The following ARHGAP40 variants were observed in gnomAD, a reference collection of about 807,000 sequenced individuals.
ARHGAP40 encodes rho GTPase-activating protein 40.
In ARHGAP40, 43 loss-of-function variants were observed where a neutral mutation model predicts 73.5. The observed-to-expected ratio is 0.58, with a 90% CI of 0.46 to 0.75. The LOEUF (loss-of-function observed/expected upper bound fraction) is 0.75. Ranked by LOEUF, ARHGAP40 falls within the 30% of genes least tolerant of loss-of-function variation. The pLI is 0.00. For missense variants in ARHGAP40, 734 were observed against 861.8 expected, an observed-to-expected ratio of 0.85 and a Z score of 1.86; for synonymous variants, 300 against 352.8, an observed-to-expected ratio of 0.85 and a Z score of 1.68.
intron 1 of ARHGAP40, among the ~76,000 whole-genome samples, chr20:38,617,414 G>T (rs887727587): frequency 1.3e-5 from 2 of 152,156 alleles, no homozygotes; most frequent in African/African-American, 4.8e-5. Context: ...GTCTCGCTAA[G>T]ATCACCTTGC....
chr20:38,622,062 A>AAAAC (rs953008534), intron 1 of ARHGAP40, among the ~76,000 whole-genome samples: 10 of 152,280 alleles, frequency 6.6e-5, no homozygotes, highest in Non-Finnish European at 7.4e-5. Context: ...TCAAAAAACA[A>AAAAC]AAACAAACAA....
intron 1 of ARHGAP40, among the ~76,000 whole-genome samples, chr20:38,615,854 C>G (rs774467568): frequency 1.3e-5 from 2 of 152,290 alleles, no homozygotes; most frequent in Non-Finnish European, 2.9e-5. Context: ...TTTCCCTAAG[C>G]GACGATTGTG....
chr20:38,621,663 A>G (rs2088874394), intron 1 of ARHGAP40, among the ~76,000 whole-genome samples: 1 of 152,238 alleles, frequency 6.6e-6, no homozygotes, highest in Non-Finnish European at 1.5e-5. Context: ...TCGTAGCCAC[A>G]GGAGAATGAT....
intron 1 of ARHGAP40, among the ~76,000 whole-genome samples, chr20:38,617,015 G>A (rs1267060261): frequency 3.9e-5 from 6 of 152,056 alleles, no homozygotes; most frequent in African/African-American, 1.4e-4. Flanking sequence ...GCACAGTCTC[G>A]GCTCACTGCA....
At chr20:38,644,262 A>G (rs2089038305) in intron 11 of ARHGAP40, among the ~76,000 whole-genome samples, 2 of 152,090 alleles carry the variant, frequency 1.3e-5, no homozygotes, top group African/African-American at 4.8e-5. Flanking sequence ...TGCCTAAGAC[A>G]GAGCCCAGAA....
intron 1 of ARHGAP40, 136 bp from the exon 2 acceptor site, chr20:38,623,223 C>T: frequency 1.7e-6 from 1 of 582,878 alleles, no homozygotes; most frequent in Admixed American, 3.7e-5. Flanking sequence ...CTGAGATCAC[C>T]CTGAGAAACA....
chr20:38,646,289 C>A lies in ARHGAP40; in HGVS notation c.1710+102C>A. On this transcript the variant is annotated intron_variant, in intron 12 of 14. Transcript: ENST00000373345. This position sits in a 1 kb window ranked among gnomAD's most constrained non-coding sequence, Gnocchi z 4.5. The stretch of plus-strand genomic sequence containing the variant: ...CCTCCAGGTCCCCGCTACCGGGCTG[C>A]CAGCAACGGCCCAGTGAGGCCACCA... 8.6e-7 allele frequency: 1 copy of A among 1,166,474 alleles called. No homozygotes were observed. Among genetic ancestry groups the A allele is most frequent in the South Asian group, 1.6e-5 (1 of 63,538 alleles). The allele number at this position is 1,166,474 out of a possible 1,614,324, so 72.3% of individuals were successfully genotyped here. A position where few individuals can be genotyped will look rare whatever the true frequency, so the allele number is the denominator to read the frequency against.
intron 9 of ARHGAP40, 73 bp downstream of exon 9, chr20:38,639,459 C>A (rs1028464108): frequency 7.9e-7 from 1 of 1,264,142 alleles, no homozygotes; most frequent in Non-Finnish European, 1.0e-6. Flanking sequence ...AGAGGGGAAG[C>A]CATGCAAAGG....
At chr20:38,618,494 C>T (rs1187108023) in intron 1 of ARHGAP40, among the ~76,000 whole-genome samples, 1 of 152,102 alleles carries the variant, frequency 6.6e-6, no homozygotes. Flanking sequence ...CTTAGCGATT[C>T]GATGGGTAAG....
chr20:38,632,210 C>T (rs1053002132), intron 5 of ARHGAP40, among the ~76,000 whole-genome samples: 3 of 151,752 alleles, frequency 2.0e-5, no homozygotes, highest in Non-Finnish European at 2.9e-5. Context: ...GTGATCTGCC[C>T]GCCTCAGCCT....
At chr20:38,635,509 A>T (rs1320198938) in intron 6 of ARHGAP40, among the ~76,000 whole-genome samples, 1 of 152,026 alleles carries the variant, frequency 6.6e-6, no homozygotes, top group Non-Finnish European at 1.5e-5. Flanking sequence ...ACAAAAAATA[A>T]AAAAGTAGCC....
intron 1 of ARHGAP40, among the ~76,000 whole-genome samples, chr20:38,621,840 G>A (rs2088875284): frequency 6.6e-6 from 1 of 152,116 alleles, no homozygotes; most frequent in Non-Finnish European, 1.5e-5. Flanking sequence ...GATTGCTTGA[G>A]CCCAGGAGTT....
chr20:38,643,063 C>T (rs964919330), intron 10 of ARHGAP40, among the ~76,000 whole-genome samples: 1 of 151,736 alleles, frequency 6.6e-6, no homozygotes, highest in African/African-American at 2.4e-5. Flanking sequence ...GTCACTTGAA[C>T]CTGGGAGGCA....
At chr20:38,610,585 G>A (rs1289909935) in intron 1 of ARHGAP40, among the ~76,000 whole-genome samples, 5 of 152,228 alleles carry the variant, frequency 3.3e-5, no homozygotes, top group African/African-American at 1.2e-4. Flanking sequence ...AAGCATAGAA[G>A]CTGTATAATG....
intron 2 of ARHGAP40, among the ~76,000 whole-genome samples, chr20:38,624,196 G>T (rs1461744108): frequency 6.6e-6 from 1 of 152,104 alleles, no homozygotes; most frequent in Non-Finnish European, 1.5e-5. Context: ...TATGTGCCTG[G>T]TGGTGGATGT....
chr20:38,639,425 G>C (rs763906454), intron 9 of ARHGAP40, 39 bp downstream of exon 9: 1 of 1,286,268 alleles, frequency 7.8e-7, no homozygotes, highest in Non-Finnish European at 1.0e-6. Flanking sequence ...CAGGGATGGA[G>C]AGTTGGCTCA....
chr20:38,605,121 C>T (rs746806254), intron 1 of ARHGAP40, among the ~76,000 whole-genome samples: 5 of 152,154 alleles, frequency 3.3e-5, no homozygotes, highest in African/African-American at 4.8e-5. Context: ...TCCAGCAGGA[C>T]GGCAACCTTC....
chr20:38,642,610 C>T (rs1208285324), intron 10 of ARHGAP40, among the ~76,000 whole-genome samples: 2 of 151,468 alleles, frequency 1.3e-5, no homozygotes, highest in Non-Finnish European at 2.9e-5. Context: ...TCCTTTCTTC[C>T]TCCCTCCCTC....
intron 5 of ARHGAP40, among the ~76,000 whole-genome samples, chr20:38,633,338 CA>C (rs1348258060): frequency 3.3e-5 from 5 of 152,182 alleles, no homozygotes; most frequent in Admixed American, 2.6e-4. Context: ...ACACACTAAG[CA>C]TTATGCCAAG....
Sources: gnomAD v4.1 joint callset for allele counts (sites outside exome capture counted in the v4.1 genomes callset) on GRCh38, gnomAD v4.1.1 for gene constraint, Gnocchi (gnomAD v3.1) non-coding constraint, MANE v1.5 for transcripts, NCBI Gene and HGNC (gene_info 2026-07-23, HGNC 2026-07-21) for gene names.